MPPED2: variants seen among roughly 807,000 people sequenced by gnomAD.
MPPED2 encodes the protein metallophosphoesterase MPPED2.
In MPPED2, 5 loss-of-function variants were observed where a neutral mutation model predicts 33.0. That is an observed-to-expected ratio of 0.15 (90% CI 0.08 to 0.32). MPPED2 has a LOEUF of 0.32. Among genes scored for constraint, MPPED2 ranks in the 10% least tolerant of loss-of-function variants. The pLI is 1.00. For synonymous variants in MPPED2, 136 were observed against 141.9 expected, an observed-to-expected ratio of 0.96 and a Z score of 0.29; for missense variants, 275 against 372.1, an observed-to-expected ratio of 0.74 and a Z score of 2.15.
At chr11:30,539,382 C>T (rs1378041463) in intron 2 of MPPED2, among the ~76,000 whole-genome samples, 1 of 152,152 alleles carries the variant, frequency 6.6e-6, no homozygotes, top group African/African-American at 2.4e-5. Flanking sequence ...GCAATCTAAA[C>T]CCCAGAGCCA....
intron 4 of MPPED2, among the ~76,000 whole-genome samples, chr11:30,490,320 C>T (rs2134177407): frequency 6.6e-6 from 1 of 152,248 alleles, no homozygotes; most frequent in East Asian, 1.9e-4. Flanking sequence ...TCTTCTTCTG[C>T]ACTCCCAAAA....
intron 1 of MPPED2, among the ~76,000 whole-genome samples, chr11:30,581,737 T>C (rs1957179191): frequency 1.3e-5 from 2 of 152,208 alleles, no homozygotes; most frequent in African/African-American, 2.4e-5. Context: ...ATCCCCCATA[T>C]GCTAGCTGGG....
At chr11:30,535,367 G>A (rs1223728133) in intron 3 of MPPED2, among the ~76,000 whole-genome samples, 2 of 152,244 alleles carry the variant, frequency 1.3e-5, no homozygotes, top group Middle Eastern at 3.4e-3. Flanking sequence ...ATATTTTGCA[G>A]TAACTGACCT....
chr11:30,411,517 G>A lies in MPPED2; in HGVS notation c.836C>T (p.Pro279Leu). ...NASTCTVSFQPTNPPIIFDLP... is the reference protein window; with the variant it reads ...NASTCTVSFQLTNPPIIFDLP... Reference sequence around the variant, plus strand: ...GTCAAATATAATTGGAGGGTTGGTCGGTTGAAAGCTGACTGTACACGTCGA... The same window carrying A: ...GTCAAATATAATTGGAGGGTTGGTCAGTTGAAAGCTGACTGTACACGTCGA... Residue 279 changes from proline to leucine, a missense_variant, in exon 7 of 7, where the codon CCG (proline) becomes CTG (leucine). Transcript: ENST00000358117. 6.2e-7 allele frequency: 1 copy of A among 1,613,904 alleles called. No homozygotes were observed. Among genetic ancestry groups the A allele is most frequent in the Non-Finnish European group, 8.5e-7 (1 of 1,179,836 alleles).
chr11:30,398,763 C>G (rs932350824), intron 6 of MPPED2, among the ~76,000 whole-genome samples: 1 of 152,096 alleles, frequency 6.6e-6, no homozygotes, highest in Non-Finnish European at 1.5e-5. Flanking sequence ...TCTGGAAGTA[C>G]AAATATGCCA....
At chr11:30,390,440 C>T (rs1000796371) in intron 6 of MPPED2, among the ~76,000 whole-genome samples, 1 of 152,196 alleles carries the variant, frequency 6.6e-6, no homozygotes, top group African/African-American at 2.4e-5. Flanking sequence ...TCTGGGTATC[C>T]ACTTATGTTG....
intron 2 of MPPED2, among the ~76,000 whole-genome samples, chr11:30,556,889 C>A (rs1230288938): frequency 6.6e-6 from 1 of 151,626 alleles, no homozygotes; most frequent in Admixed American, 6.6e-5. Context: ...ACCCTATAGG[C>A]CAGAAAATGT....
intron 6 of MPPED2, among the ~76,000 whole-genome samples, chr11:30,391,080 A>G (rs1222770645): frequency 6.6e-6 from 1 of 152,184 alleles, no homozygotes; most frequent in East Asian, 1.9e-4. Context: ...CCATTAAACA[A>G]CGTACCACAA....
chr11:30,476,177 T>C (rs1274077517), intron 4 of MPPED2, among the ~76,000 whole-genome samples: 1 of 152,008 alleles, frequency 6.6e-6, no homozygotes, highest in Non-Finnish European at 1.5e-5. Flanking sequence ...AGGTTGAAAA[T>C]ATGTTCCCCT....
At position 30,454,319 on chromosome 11, in the gene MPPED2, C is replaced by T. The variant is rs1411496631; in HGVS notation, c.537-36686G>A. Among the ~76,000 whole-genome samples the T allele has an allele frequency of 3.3e-5, 5 of 152,238 alleles. No individual in the cohort carries two copies. The East Asian group carries it at 9.7e-4, about 29-fold the overall frequency. On this transcript the variant is annotated intron_variant, in intron 4 of 6. Coordinates refer to ENST00000358117, the MANE Select transcript of MPPED2 (RefSeq NM_001584.3). ...TAAATGGCTGTCTAACATCCTTCAA[C>T]AATAGCCGGGCTACAGCCATAACCA... is the stretch of plus-strand genomic sequence containing the variant.
intron 4 of MPPED2, among the ~76,000 whole-genome samples, chr11:30,422,679 C>A (rs1210366722): frequency 6.6e-6 from 1 of 152,130 alleles, no homozygotes; most frequent in Non-Finnish European, 1.5e-5. Flanking sequence ...TCCAAGGGAA[C>A]AATGTCTATT....
intron 4 of MPPED2, among the ~76,000 whole-genome samples, chr11:30,420,473 G>A (rs553991565): frequency 6.6e-6 from 1 of 152,352 alleles, no homozygotes; most frequent in African/African-American, 2.4e-5. Flanking sequence ...GTTGTTAGAA[G>A]CTACTAAAGT....
chr11:30,510,614 C>T (rs1298952366), intron 3 of MPPED2, among the ~76,000 whole-genome samples: 1 of 152,138 alleles, frequency 6.6e-6, no homozygotes, highest in Non-Finnish European at 1.5e-5. Flanking sequence ...TTTTGTTTTT[C>T]ACTAAGATTA....
chr11:30,386,117 T>C (rs1287635599), exon 7 of MPPED2: 1 of 152,124 alleles, frequency 6.6e-6, no homozygotes, highest in Non-Finnish European at 1.5e-5. Flanking sequence ...AGCATAAAAG[T>C]TTGGAAAATT....
intron 6 of MPPED2, among the ~76,000 whole-genome samples, chr11:30,391,346 C>A (rs757329074): frequency 6.6e-6 from 1 of 152,118 alleles, no homozygotes; most frequent in Non-Finnish European, 1.5e-5. Context: ...GTACTTTGGA[C>A]GTGATTGTAG....
chr11:30,570,655 A>G (rs1370306263), intron 2 of MPPED2, among the ~76,000 whole-genome samples: 2 of 152,226 alleles, frequency 1.3e-5, no homozygotes, highest in East Asian at 3.8e-4. Context: ...TCATAGAAGA[A>G]GGCTAACTCT....
intron 3 of MPPED2, among the ~76,000 whole-genome samples, chr11:30,513,012 A>G (rs1953314197): frequency 6.9e-6 from 1 of 145,036 alleles, no homozygotes; most frequent in Non-Finnish European, 1.6e-5. Context: ...TCTGTCTCAA[A>G]AGAAAAAAAA....
intron 2 of MPPED2, among the ~76,000 whole-genome samples, chr11:30,576,129 A>T (rs1390116269): frequency 6.6e-6 from 1 of 152,202 alleles, no homozygotes; most frequent in Non-Finnish European, 1.5e-5. Context: ...TCATCCTTCT[A>T]TCCTCCACAG....
chr11:30,408,132 C>T (rs369310534), downstream of MPPED2, among the ~76,000 whole-genome samples: 17 of 152,242 alleles, frequency 1.1e-4, no homozygotes, highest in Non-Finnish European at 2.4e-4. Context: ...AGCACTAGTC[C>T]GAGGTGGGGC....
Sources: gnomAD v4.1 joint callset for allele counts (sites outside exome capture counted in the v4.1 genomes callset) on GRCh38, gnomAD v4.1.1 for gene constraint, MANE v1.5 for transcripts, NCBI Gene and HGNC (gene_info 2026-07-23, HGNC 2026-07-21) for gene names.